The following LTBP1 variants were observed in gnomAD, a reference collection of about 807,000 sequenced individuals.
LTBP1 encodes the protein latent-transforming growth factor beta-binding protein 1.
A neutral mutation model predicts 207.6 loss-of-function variants in LTBP1; 129 were observed. The ratio of observed to expected loss-of-function variants is 0.62; its 90% CI spans 0.54 to 0.72. The LOEUF is 0.72. Ranked by LOEUF, LTBP1 falls within the 30% of genes least tolerant of loss-of-function variation. The probability of loss-of-function intolerance (pLI) is 0.00; values close to 1 mark genes in which losing one functional copy is unlikely to be tolerated. For missense variants in LTBP1, 2,281 were observed against 2,217.2 expected (o/e 1.03, Z -0.58); for synonymous variants, 963 against 833.7 (o/e 1.16, Z -2.67).
At chr2:32,961,888 T>C (rs1040544951) in intron 2 of LTBP1, among the ~76,000 whole-genome samples, 2 of 146,604 alleles carry the variant, frequency 1.4e-5, no homozygotes, top group African/African-American at 5.1e-5. Flanking sequence ...GAGGTTGCAG[T>C]GAATCAAGAT....
intron 15 of LTBP1, among the ~76,000 whole-genome samples, chr2:33,267,736 T>G (rs2093219882): frequency 6.6e-6 from 1 of 152,208 alleles, no homozygotes; most frequent in Non-Finnish European, 1.5e-5. Context: ...TGGACAAACC[T>G]CTTTCAAACT....
intron 3 of LTBP1, among the ~76,000 whole-genome samples, chr2:33,082,431 ACTTTTTTTTTTT>A (rs1558612302): frequency 8.6e-6 from 1 of 116,038 alleles, no homozygotes; most frequent in African/African-American, 3.3e-5. Flanking sequence ...AGTATGACTC[ACTTTTTTTTTTT>A]TTTTTTTTTT....
At chr2:33,312,768 A>G (rs909343017) in intron 23 of LTBP1, among the ~76,000 whole-genome samples, 1 of 152,066 alleles carries the variant, frequency 6.6e-6, no homozygotes, top group African/African-American at 2.4e-5. Context: ...GACTTTTTTG[A>G]TGAAAAAACT....
intron 3 of LTBP1, among the ~76,000 whole-genome samples, chr2:33,026,704 C>T (rs756951008): frequency 6.6e-6 from 1 of 152,198 alleles, no homozygotes; most frequent in Admixed American, 6.5e-5. Context: ...CAATTCATGA[C>T]ACCTGGGGAA....
intron 24 of LTBP1, among the ~76,000 whole-genome samples, chr2:33,321,230 G>C (rs982714171): frequency 6.6e-6 from 1 of 152,142 alleles, no homozygotes; most frequent in Non-Finnish European, 1.5e-5. Flanking sequence ...TATACCCAAA[G>C]TATTCAGGAA....
chr2:33,301,558 A>T lies in LTBP1; in HGVS notation c.3395A>T (p.His1132Leu). 1 of 1,611,522 alleles carries T rather than the reference A, an allele frequency of 6.2e-7. No homozygotes were observed. Among genetic ancestry groups the T allele is most frequent in the Non-Finnish European group, 8.5e-7 (1 of 1,178,840 alleles). The change falls in exon 22 of 34, where the codon CAT becomes CTT. Residue 1132 changes from histidine to leucine, a missense_variant. His to Leu is a moderately conservative substitution (Grantham distance 99). Coordinates refer to ENST00000404816, the MANE Select transcript of LTBP1 (RefSeq NM_206943.4). ...DECQHRHLCA[H>L]GQCRNTEGSF... is the part of the protein sequence containing the mutation. Reference sequence around the variant, plus strand: ...TGCCAGCACCGTCATCTCTGTGCTCATGGGCAGTGCAGGAACACTGAGGGC... The same window carrying T: ...TGCCAGCACCGTCATCTCTGTGCTCTTGGGCAGTGCAGGAACACTGAGGGC...
chr2:33,275,961 ATG>A (rs1558930251), intron 18 of LTBP1, 38 bp downstream of exon 18: 1 of 1,537,154 alleles, frequency 6.5e-7, no homozygotes, highest in South Asian at 1.3e-5. Context: ...CATGACGGTG[ATG>A]TGCAGGGTTG....
intron 2 of LTBP1, among the ~76,000 whole-genome samples, chr2:33,018,409 C>T (rs965365641): frequency 6.6e-6 from 1 of 152,070 alleles, no homozygotes; most frequent in Non-Finnish European, 1.5e-5. Context: ...AAATCATTCT[C>T]AGATGTTAAA....
At chr2:32,959,390 C>G (rs1173062200) in intron 2 of LTBP1, among the ~76,000 whole-genome samples, 2 of 151,428 alleles carry the variant, frequency 1.3e-5, no homozygotes, top group Non-Finnish European at 2.9e-5. Flanking sequence ...TAAGAAGCCA[C>G]CAATGGAAAA....
chr2:32,998,323 C>G (rs1341924092), intron 2 of LTBP1, among the ~76,000 whole-genome samples: 1 of 151,814 alleles, frequency 6.6e-6, no homozygotes, highest in Admixed American at 6.6e-5. Context: ...CGAGACCATC[C>G]TGGCCAACAT....
intron 25 of LTBP1, among the ~76,000 whole-genome samples, chr2:33,344,737 A>G (rs2094679019): frequency 6.6e-6 from 1 of 152,200 alleles, no homozygotes; most frequent in Non-Finnish European, 1.5e-5. Flanking sequence ...CTGCAAGGCT[A>G]TGACCTCTAT....
At chr2:32,977,520 G>T (rs1214556860) in intron 2 of LTBP1, among the ~76,000 whole-genome samples, 1 of 152,218 alleles carries the variant, frequency 6.6e-6, no homozygotes, top group Non-Finnish European at 1.5e-5. Flanking sequence ...TATGTCACTG[G>T]TGCCAGTTTT....
intron 9 of LTBP1, among the ~76,000 whole-genome samples, chr2:33,222,453 C>A (rs1192233261): frequency 6.6e-6 from 1 of 152,222 alleles, no homozygotes; most frequent in Non-Finnish European, 1.5e-5. Flanking sequence ...CATATCCTTT[C>A]ATGGGCGTGT....
At chr2:32,956,622 G>T (rs1572810404) in intron 2 of LTBP1, among the ~76,000 whole-genome samples, 1 of 152,094 alleles carries the variant, frequency 6.6e-6, no homozygotes, top group East Asian at 1.9e-4. Context: ...CATGAGGGCT[G>T]GAATCAGCTT....
chr2:33,261,003 T>A (rs1371397733), intron 13 of LTBP1, among the ~76,000 whole-genome samples: 1 of 152,122 alleles, frequency 6.6e-6, no homozygotes, highest in Non-Finnish European at 1.5e-5. Flanking sequence ...AAAAGTCTCA[T>A]GATGTTATGT....
intron 10 of LTBP1, 30 bp from the exon 11 acceptor site, chr2:33,252,647 G>A (rs1249475485): frequency 6.3e-7 from 1 of 1,578,802 alleles, no homozygotes. Flanking sequence ...GGTTTCTCAT[G>A]TAATGTCGGG....
rs768539230 is a variant in LTBP1 at position 33,263,360 on chromosome 2, C to T, written c.2585C>T (p.Ala862Val). 2 of 1,613,772 alleles carry T rather than the reference C, an allele frequency of 1.2e-6. No individual in the cohort carries two copies. Among genetic ancestry groups the T allele is most frequent in the South Asian group, 2.2e-5 (2 of 91,066 alleles). Residue 862 changes from alanine (A) to valine (V), a missense_variant, in exon 15 of 34, where the codon GCC (alanine) becomes GTC (valine). Ala to Val is a moderately conservative substitution (Grantham distance 64). This residue lies in a region of LTBP1 where 1,671 missense variants were observed against 1,634.8 expected (regional missense o/e 1.02). Coordinates refer to ENST00000404816, the MANE Select transcript of LTBP1 (RefSeq NM_206943.4). ...GCTCCTGAAGCTTCTACGTCTAGTG[C>T]CAGCCAAGTGATTGCTCCTACTCAA... The part of the protein sequence containing the change: ...EVAPEASTSS[A>V]SQVIAPTQVT...
At chr2:33,273,225 A>G (rs1430721847) in intron 15 of LTBP1, among the ~76,000 whole-genome samples, 1 of 152,154 alleles carries the variant, frequency 6.6e-6, no homozygotes, top group Non-Finnish European at 1.5e-5. Flanking sequence ...CTGCTAAAGA[A>G]TGGAAAGTTA....
rs201873946 is a variant in LTBP1 at position 32,969,229 on chromosome 2, TTGTGTGTGTGTGTGTG to T, written c.565+20312_565+20327del. On this transcript the variant is annotated intron_variant, in intron 2 of 33. Transcript: ENST00000404816. ...GTGTGAGCCATGGCACCTGGCCAAT[TTGTGTGTGTGTGTGTG>T]TGTGTGTGTGTGTGTGTGTGTGTGT... 1.9e-3 allele frequency among the ~76,000 whole-genome samples: 244 copies of T among 131,710 alleles called. 1 individual carries two copies. The highest frequency in any genetic ancestry group is 6.7e-3 in the African/African-American group (229 of 34,276). 86.4% of individuals were successfully genotyped at this position (131,710 alleles called of 152,430 possible).
Sources: allele counts gnomAD v4.1 joint callset (sites outside exome capture counted in the v4.1 genomes callset), GRCh38; gene constraint gnomAD v4.1.1; regional missense constraint gnomAD v4.1.1; transcripts MANE v1.5; gene names NCBI Gene and HGNC (gene_info 2026-07-23, HGNC 2026-07-21).